Variants in TSHZ2 observed in about 807,000 individuals in gnomAD.
The protein encoded by TSHZ2 is teashirt homolog 2.
A neutral mutation model predicts 74.4 loss-of-function variants in TSHZ2; 21 were observed. The ratio of observed to expected loss-of-function variants is 0.28; its 90% confidence interval spans 0.20 to 0.41. The LOEUF is 0.41. TSHZ2 is among the 10% of genes least tolerant of loss of function. The probability of loss-of-function intolerance (pLI) is 1.00; values close to 1 mark genes in which losing one functional copy is unlikely to be tolerated. For synonymous variants in TSHZ2, 540 were observed against 515.3 expected (o/e 1.05, Z -0.65); for missense variants, 1,244 against 1,293.5 (o/e 0.96, Z 0.59).
chr20:53,443,502 A>T (rs913719634), intron 2 of TSHZ2, among the ~76,000 whole-genome samples: 4 of 152,222 alleles, frequency 2.6e-5, no homozygotes, highest in African/African-American at 4.8e-5. Context: ...TGCAAAGGGC[A>T]ACATAGATTT....
chr20:53,178,867 T>A (rs185174804), intron 1 of TSHZ2: 2 of 152,352 alleles, frequency 1.3e-5, no homozygotes, highest in East Asian at 3.9e-4. Context: ...TATATCCTTT[T>A]TCATTTTCTT....
intron 2 of TSHZ2, among the ~76,000 whole-genome samples, chr20:53,375,413 G>A (rs1374248856): frequency 6.6e-6 from 1 of 152,232 alleles, no homozygotes; most frequent in Non-Finnish European, 1.5e-5. Context: ...ATGACAGGAT[G>A]TGAGGGGTGA....
chr20:53,394,500 A>G (rs1018681663), intron 2 of TSHZ2, among the ~76,000 whole-genome samples: 6 of 152,172 alleles, frequency 3.9e-5, no homozygotes, highest in Non-Finnish European at 8.8e-5. Context: ...AATATCTGCC[A>G]TGTGCAGTTA....
intron 2 of TSHZ2, chr20:53,455,160 G>A (rs1985004044): frequency 6.6e-6 from 1 of 152,174 alleles, no homozygotes; most frequent in South Asian, 2.1e-4. Context: ...GTGGCGAGCA[G>A]TAGGACCTAG....
chr20:53,137,296 C>CTTTTTT (rs759993398), intron 1 of TSHZ2, among the ~76,000 whole-genome samples: 1 of 135,270 alleles, frequency 7.4e-6, no homozygotes, highest in Non-Finnish European at 1.6e-5. Flanking sequence ...ATTCGTGTTT[C>CTTTTTT]TTTTTTTTTT....
chr20:53,226,838 C>T (rs1989697512), intron 1 of TSHZ2, among the ~76,000 whole-genome samples: 1 of 152,044 alleles, frequency 6.6e-6, no homozygotes. Flanking sequence ...ATATTGTGCC[C>T]TGGGAGGCAA....
chr20:53,266,476 A>T (rs1313821928), intron 2 of TSHZ2, among the ~76,000 whole-genome samples: 1 of 152,198 alleles, frequency 6.6e-6, no homozygotes, highest in Non-Finnish European at 1.5e-5. Flanking sequence ...TTCTAGTTCA[A>T]GGCAACACAG....
chr20:53,376,210 G>A (rs1002713845), intron 2 of TSHZ2, among the ~76,000 whole-genome samples: 1 of 152,214 alleles, frequency 6.6e-6, no homozygotes, highest in African/African-American at 2.4e-5. Flanking sequence ...AAAGAAATTT[G>A]TCATGTCATG....
intron 2 of TSHZ2, among the ~76,000 whole-genome samples, chr20:53,414,574 C>T (rs1472493667): frequency 6.6e-6 from 1 of 152,110 alleles, no homozygotes; most frequent in Non-Finnish European, 1.5e-5. Context: ...GCATGGATGG[C>T]ATGACTCTTT....
At chr20:53,179,880 C>T (rs951852993) in intron 1 of TSHZ2, among the ~76,000 whole-genome samples, 4 of 152,102 alleles carry the variant, frequency 2.6e-5, no homozygotes, top group Admixed American at 2.0e-4. Context: ...GCACCAAAGT[C>T]GATTTACGTG....
chr20:53,384,039 T>C (rs1981956287), intron 2 of TSHZ2, among the ~76,000 whole-genome samples: 1 of 152,164 alleles, frequency 6.6e-6, no homozygotes, highest in South Asian at 2.1e-4. Flanking sequence ...TTTCACCTTT[T>C]TGCTATTTTC....
At chr20:53,151,392 T>A (rs1238582951) in intron 1 of TSHZ2, among the ~76,000 whole-genome samples, 2 of 152,218 alleles carry the variant, frequency 1.3e-5, no homozygotes, top group African/African-American at 4.8e-5. Flanking sequence ...GGAGGGCTAG[T>A]GTCTATATTT....
intron 2 of TSHZ2, among the ~76,000 whole-genome samples, chr20:53,332,306 G>A (rs1211223590): frequency 6.6e-6 from 1 of 152,174 alleles, no homozygotes; most frequent in African/African-American, 2.4e-5. Flanking sequence ...TCTAAGGCTT[G>A]GGCATTAGCT....
chr20:53,111,305 G>C (rs1220893039), intron 1 of TSHZ2, among the ~76,000 whole-genome samples: 2 of 152,162 alleles, frequency 1.3e-5, no homozygotes, highest in Non-Finnish European at 2.9e-5. Context: ...ATGCCAAGAA[G>C]AACAATTCAT....
rs1415631017 is a variant in TSHZ2, at chr20:53,469,045, T to TTTTATATATA, written c.*9-18098_*9-18097insTTATATATAT. Among the ~76,000 whole-genome samples the TTTTATATATA allele has an allele frequency of 1.1e-3, 52 of 49,128 alleles. 1 individual carries two copies. The highest frequency in any genetic ancestry group is 4.9e-3 in the East Asian group (6 of 1,236). 32.2% of individuals were successfully genotyped at this position (49,128 alleles called of 152,430 possible). ...ACCTAAAGGCTCTGAAATCGATATT[T>TTTTATATATA]TATATATATATATATATATATATAT... On this transcript the variant is annotated intron_variant, in intron 2 of 2. Coordinates refer to ENST00000371497, the MANE Select transcript of TSHZ2 (RefSeq NM_173485.6).
rs766449067 is a variant in TSHZ2 at position 53,254,024 on chromosome 20, C to G, written c.566C>G (p.Pro189Arg). 1.2e-6 allele frequency: 2 copies of G among 1,614,138 alleles called. No individual in the cohort carries two copies. The highest frequency in any genetic ancestry group is 1.7e-6 in the Non-Finnish European group (2 of 1,180,026). ...TTGCCTTCTCGGTCCGTCTCGAAAC[C>G]CAGCCTGTTCAGCTCGGTGCAGTTG... ...QNLPSRSVSKPSLFSSVQLYR... is the reference protein window; with the variant it reads ...QNLPSRSVSKRSLFSSVQLYR... The change falls in exon 2 of 3, where the codon CCC becomes CGC. Residue 189 changes from proline to arginine, a missense_variant. Coordinates refer to ENST00000371497, the MANE Select transcript of TSHZ2 (RefSeq NM_173485.6).
intron 2 of TSHZ2, among the ~76,000 whole-genome samples, chr20:53,309,515 C>G (rs1978690489): frequency 6.6e-6 from 1 of 152,150 alleles, no homozygotes; most frequent in Non-Finnish European, 1.5e-5. Flanking sequence ...GTACATTAGA[C>G]AAGTGTTAAT....
chr20:53,237,195 G>C (rs1989960508), intron 1 of TSHZ2, among the ~76,000 whole-genome samples: 1 of 152,172 alleles, frequency 6.6e-6, no homozygotes, highest in Non-Finnish European at 1.5e-5. Flanking sequence ...GAAGCAAACA[G>C]GGTTCTTATG....
At chr20:53,121,288 TA>T (rs1751851232) in intron 1 of TSHZ2, among the ~76,000 whole-genome samples, 1 of 152,190 alleles carries the variant, frequency 6.6e-6, no homozygotes, top group Non-Finnish European at 1.5e-5. Context: ...GTCTCATTAC[TA>T]AATCATCTTA....
Sources: allele counts gnomAD v4.1 joint callset (sites outside exome capture counted in the v4.1 genomes callset), GRCh38; gene constraint gnomAD v4.1.1; transcripts MANE v1.5; gene names NCBI Gene and HGNC (gene_info 2026-07-23, HGNC 2026-07-21).